Variants in STAU2 observed in about 807,000 individuals in gnomAD.
STAU2 encodes staufen double-stranded RNA binding protein 2, also known as double-stranded RNA-binding protein Staufen homolog 2.
A neutral mutation model predicts 65.9 loss-of-function variants in STAU2; 20 were observed. That is an observed-to-expected ratio of 0.30 (90% CI 0.21 to 0.44). STAU2 has a LOEUF of 0.44. Among genes scored for constraint, STAU2 ranks in the 20% least tolerant of loss-of-function variants. The pLI, the probability that STAU2 is intolerant of heterozygous loss-of-function variation, is 1.00. For missense variants in STAU2, 558 were observed against 683.9 expected (o/e 0.82, Z 2.05); for synonymous variants, 232 against 233.9 (o/e 0.99, Z 0.07).
At chr8:73,685,950 T>C (rs1436117244) in intron 5 of STAU2, among the ~76,000 whole-genome samples, 1 of 152,272 alleles carries the variant, frequency 6.6e-6, no homozygotes, top group South Asian at 2.1e-4. Flanking sequence ...GGTGTACATA[T>C]ATACCATAGA....
intron 3 of STAU2, among the ~76,000 whole-genome samples, chr8:73,733,858 C>T (rs968207852): frequency 8.5e-5 from 13 of 152,106 alleles, no homozygotes; most frequent in African/African-American, 3.1e-4. Flanking sequence ...GGGAGCTATA[C>T]ACCAAATATC....
chr8:73,652,561 A>G (rs1003070939), intron 6 of STAU2: 1 of 151,940 alleles, frequency 6.6e-6, no homozygotes, highest in Admixed American at 6.6e-5. Flanking sequence ...ACAAAAAAAA[A>G]AATTAGCCAG....
intron 10 of STAU2, among the ~76,000 whole-genome samples, chr8:73,598,322 G>T (rs1318291626): frequency 6.6e-6 from 1 of 151,292 alleles, no homozygotes; most frequent in African/African-American, 2.4e-5. Context: ...CCACCTTCCG[G>T]GTTCACGCCA....
intron 3 of STAU2, among the ~76,000 whole-genome samples, chr8:73,726,457 TTATAA>T (rs1805641006): frequency 6.6e-6 from 1 of 152,184 alleles, no homozygotes; most frequent in Non-Finnish European, 1.5e-5. Context: ...TCATTATTTC[TTATAA>T]TATTTTCTGT....
At chr8:73,575,994 T>A (rs1204192373) in intron 12 of STAU2, among the ~76,000 whole-genome samples, 1 of 152,130 alleles carries the variant, frequency 6.6e-6, no homozygotes, top group Non-Finnish European at 1.5e-5. Flanking sequence ...AAACTTCAAC[T>A]AAATTCATCA....
intron 4 of STAU2, among the ~76,000 whole-genome samples, chr8:73,690,868 C>T (rs1819281863): frequency 6.6e-6 from 1 of 151,958 alleles, no homozygotes; most frequent in Middle Eastern, 3.2e-3. Flanking sequence ...AAAATATATA[C>T]CTAAAATGTA....
chr8:73,627,418 A>C (rs1269527619), intron 6 of STAU2, among the ~76,000 whole-genome samples: 1 of 152,098 alleles, frequency 6.6e-6, no homozygotes, highest in Non-Finnish European at 1.5e-5. Flanking sequence ...CACATGCTAC[A>C]GATTGAGAAG....
rs60983829 is a variant in STAU2, at chr8:73,422,712, AAAAC to A, written c.1531-14_1531-11del. The A allele has an allele frequency of 0.38, 551,394 of 1,448,732 alleles. 108,188 individuals are homozygous for A. Among genetic ancestry groups the A allele is most frequent in the Admixed American group, 0.5 (17,804 of 35,386 alleles). 89.7% of individuals were successfully genotyped at this position (1,448,732 alleles called of 1,614,324 possible). A position where few individuals can be genotyped will look rare whatever the true frequency, so the allele number is the denominator to read the frequency against. ...AGGCACTTAAGGCTGCCTAAAAATG[AAAAC>A]AAACAGAGAGAGCCATTCACTGACT... On this transcript the variant is annotated splice_polypyrimidine_tract_variant and intron_variant, in intron 13 of 14. Transcript: ENST00000524300.
At chr8:73,427,077 C>A (rs1442673096) in intron 13 of STAU2, among the ~76,000 whole-genome samples, 1 of 151,838 alleles carries the variant, frequency 6.6e-6, no homozygotes, top group Non-Finnish European at 1.5e-5. Context: ...TACAGGCATG[C>A]ACCACCACGC....
At chr8:73,581,749 A>C (rs1809999993) in intron 12 of STAU2, among the ~76,000 whole-genome samples, 1 of 109,792 alleles carries the variant, frequency 9.1e-6, no homozygotes, top group Admixed American at 1.1e-4. Flanking sequence ...AAGCAGCCCC[A>C]AAATGCCATT....
At chr8:73,461,471 C>T (rs1453778527) in intron 13 of STAU2, among the ~76,000 whole-genome samples, 1 of 152,026 alleles carries the variant, frequency 6.6e-6, no homozygotes, top group South Asian at 2.1e-4. Context: ...CAGTGGAAGC[C>T]ATCCTCTGTG....
intron 13 of STAU2, among the ~76,000 whole-genome samples, chr8:73,471,091 G>A (rs550726756): frequency 1.3e-5 from 2 of 151,442 alleles, no homozygotes; most frequent in East Asian, 1.9e-4. Flanking sequence ...TAGTGAACTC[G>A]ATTTTCCAAG....
intron 3 of STAU2, among the ~76,000 whole-genome samples, chr8:73,723,123 CACAT>C (rs1005113499): frequency 1.3e-5 from 2 of 151,962 alleles, no homozygotes; most frequent in African/African-American, 4.8e-5. Flanking sequence ...CACACACACA[CACAT>C]ACACACACAC....
At chr8:73,561,351 T>C (rs1808213354) in intron 12 of STAU2, 1 of 312,692 alleles carries the variant, frequency 3.2e-6, no homozygotes, top group Admixed American at 4.6e-5. Flanking sequence ...AAGACACAAC[T>C]GTGACTATTT....
intron 12 of STAU2, among the ~76,000 whole-genome samples, chr8:73,578,469 A>G (rs944109354): frequency 6.6e-6 from 1 of 152,214 alleles, no homozygotes; most frequent in East Asian, 1.9e-4. Context: ...GGTAGGTCTA[A>G]TATACAGTCA....
At chr8:73,451,614 G>A (rs1478077014) in intron 13 of STAU2, among the ~76,000 whole-genome samples, 2 of 151,750 alleles carry the variant, frequency 1.3e-5, no homozygotes, top group Non-Finnish European at 2.9e-5. Flanking sequence ...GCTTTGGAGA[G>A]AGCAGACCAA....
At chr8:73,492,509 A>G (rs9969453) in intron 13 of STAU2, among the ~76,000 whole-genome samples, 83,868 of 151,706 alleles carry the variant, frequency 0.55, 24,776 homozygotes, top group East Asian at 0.89. Context: ...TACTTTCTAC[A>G]TGATTCAGAG....
chr8:73,582,850 G>A lies in STAU2; in HGVS notation c.1162-20C>T, dbSNP rs759600485. ...CCCTGTCTGAAAGATTAAATCAATC[G>A]TTCAAATCCAGAGAAACAAGCTTAT... On this transcript the variant is annotated intron_variant, in intron 11 of 14. Coordinates refer to ENST00000524300, the MANE Select transcript of STAU2 (RefSeq NM_001164380.2). 8.2e-6 allele frequency: 13 copies of A among 1,593,364 alleles called. No homozygotes were observed. Among genetic ancestry groups the A allele is most frequent in the South Asian group, 3.4e-5 (3 of 87,806 alleles).
intron 6 of STAU2, chr8:73,668,831 T>C: frequency 2.5e-6 from 1 of 405,150 alleles, no homozygotes; most frequent in Non-Finnish European, 4.4e-6. Context: ...AGAAGAAAAA[T>C]TCAGTTCTTC....
Sources: gnomAD v4.1 joint callset for allele counts (sites outside exome capture counted in the v4.1 genomes callset) on GRCh38, gnomAD v4.1.1 for gene constraint, MANE v1.5 for transcripts, NCBI Gene and HGNC (gene_info 2026-07-23, HGNC 2026-07-21) for gene names.